ADAM17: variants seen among roughly 807,000 people sequenced by gnomAD.
The protein encoded by ADAM17 is ADAM metallopeptidase domain 17.
ADAM17 carries 39 observed loss-of-function variants against 96.7 expected under a neutral mutation model. The observed-to-expected ratio is 0.40, with a 90% CI of 0.31 to 0.53. The LOEUF (loss-of-function observed/expected upper bound fraction) is 0.53, where lower values mean the gene tolerates loss of function less well. Ranked by LOEUF, ADAM17 falls within the 20% of genes least tolerant of loss-of-function variation. The pLI is 0.44. For synonymous variants in ADAM17, 344 were observed against 359.2 expected (o/e 0.96, Z 0.48); for missense variants, 777 against 1,013.2 (o/e 0.77, Z 3.17).
At chr2:9,538,211 A>G (rs1283591275) in intron 2 of ADAM17, among the ~76,000 whole-genome samples, 4 of 152,214 alleles carry the variant, frequency 2.6e-5, no homozygotes, top group Non-Finnish European at 5.9e-5. Flanking sequence ...TGAACACCAA[A>G]GACAAAGAAA....
Position 9,535,938 on chromosome 2 carries a change from A to G in ADAM17, c.362-16T>C, listed in dbSNP as rs1346304643. 1 of 1,466,660 alleles carries G rather than the reference A, an allele frequency of 6.8e-7. No homozygotes were observed. Among genetic ancestry groups the G allele is most frequent in the Non-Finnish European group, 9.1e-7 (1 of 1,093,564 alleles). 90.9% of individuals were successfully genotyped at this position (1,466,660 alleles called of 1,614,324 possible). A position where few individuals can be genotyped will look rare whatever the true frequency, so the allele number is the denominator to read the frequency against. ...TCAGGCTCACCTTAAGAGAAAAAAA[A>G]AATTATTATTTAAAAATACTTACAT... is the stretch of plus-strand genomic sequence containing the variant. On this transcript the variant is annotated splice_polypyrimidine_tract_variant and intron_variant, in intron 3 of 18. Coordinates refer to ENST00000310823, the MANE Select transcript of ADAM17 (RefSeq NM_003183.6).
At chr2:9,532,233 T>G (rs1169557018) in intron 4 of ADAM17, among the ~76,000 whole-genome samples, 1 of 152,196 alleles carries the variant, frequency 6.6e-6, no homozygotes, top group African/African-American at 2.4e-5. Context: ...AAAGAATTAT[T>G]TTTTTTCATG....
chr2:9,517,829 T>C (rs1664132310), intron 10 of ADAM17, 72 bp downstream of exon 10: 2 of 1,002,504 alleles, frequency 2.0e-6, no homozygotes, highest in Non-Finnish European at 2.7e-6. Flanking sequence ...AAAAAATACC[T>C]ACATAAATAT....
chr2:9,546,085 G>A (rs1239114514), intron 1 of ADAM17, among the ~76,000 whole-genome samples: 1 of 142,412 alleles, frequency 7.0e-6, no homozygotes, highest in Non-Finnish European at 1.5e-5. Context: ...GTGACAGGAT[G>A]AGACCCAGTC....
At position 9,527,900 on chromosome 2, in the gene ADAM17, A is replaced by C. The variant is rs560843913; in HGVS notation, c.505T>G (p.Ser169Ala). The C allele has an allele frequency of 6.3e-7, 1 of 1,593,764 alleles. No individual in the cohort carries two copies. Among genetic ancestry groups the C allele is most frequent in the African/African-American group, 1.3e-5 (1 of 74,272 alleles). Residue 169 changes from serine (S) to alanine (A), a missense_variant, in exon 5 of 19, where the codon TCT becomes GCT. This residue lies in a region of ADAM17 where 446 missense variants were observed against 664.7 expected (regional missense o/e 0.67). Coordinates refer to ENST00000310823, the MANE Select transcript of ADAM17 (RefSeq NM_003183.6). The part of the protein sequence containing the change: ...TKDKRMLVYK[S>A]EDIKNVSRLQ... Reference sequence around the variant, plus strand: ...CGTGAAACATTCTTGATATCTTCAGATTTATAAACTAACATTCTTTTGTCT... The same window carrying C: ...CGTGAAACATTCTTGATATCTTCAGCTTTATAAACTAACATTCTTTTGTCT...
In ADAM17 at chr2:9,521,200, T is replaced by C. The variant is rs1459406551; in HGVS notation, c.957+3A>G. 1.3e-6 allele frequency: 2 copies of C among 1,583,338 alleles called. No individual in the cohort carries two copies. The highest frequency in any genetic ancestry group is 1.7e-6 in the Non-Finnish European group (2 of 1,152,480). On this transcript the variant is annotated splice_donor_region_variant and intron_variant, in intron 8 of 18. Transcript: ENST00000310823. ...GCACCATATCCAGGATTCTAAGACC[T>C]ACCTCTAGCAACATCTTCACATCCC...
At position 9,536,681 on chromosome 2, in the gene ADAM17, A is replaced by G. The variant is rs191183953; in HGVS notation, c.361+17T>C. 8.6e-5 allele frequency: 138 copies of G among 1,613,326 alleles called. No homozygotes were observed. The African/African-American group carries it at 1.1e-3, about 13-fold the overall frequency. On this transcript the variant is annotated intron_variant, in intron 3 of 18. Transcript: ENST00000310823. ...ATACACCAGACACAGGGGCAAACCA[A>G]CAAGCTCCATACTAACCAACCACGT...
chr2:9,546,416 G>C (rs1049403524), intron 1 of ADAM17, among the ~76,000 whole-genome samples: 2 of 152,106 alleles, frequency 1.3e-5, no homozygotes, highest in Non-Finnish European at 2.9e-5. Context: ...TCTTCCTTTG[G>C]AGCCAAACTG....
chr2:9,508,681 G>A (rs969046362), intron 11 of ADAM17, among the ~76,000 whole-genome samples: 2 of 152,050 alleles, frequency 1.3e-5, no homozygotes, highest in Non-Finnish European at 2.9e-5. Context: ...CATTTCAATT[G>A]CTCCACTGGG....
chr2:9,510,265 T>G, intron 10 of ADAM17, 134 bp from the exon 11 acceptor site: 1 of 994,722 alleles, frequency 1.0e-6, no homozygotes, highest in Non-Finnish European at 1.5e-6. Flanking sequence ...ATGCTTATAA[T>G]ACCAGCACTT....
intron 2 of ADAM17, among the ~76,000 whole-genome samples, chr2:9,542,048 A>G (rs1464804378): frequency 2.6e-5 from 4 of 152,234 alleles, no homozygotes; most frequent in African/African-American, 9.6e-5. Context: ...AAAAATAAAT[A>G]AATAAAGAAT....
At position 9,536,744 on chromosome 2, in the gene ADAM17, G is replaced by A. The variant is rs552799044; in HGVS notation, c.315C>T (p.Ser105=). 4.3e-6 allele frequency: 7 copies of A among 1,614,022 alleles called. No individual in the cohort carries two copies. Among genetic ancestry groups the A allele is most frequent in the Admixed American group, 1.7e-5 (1 of 60,010 alleles). The change falls in exon 3 of 19, where the codon AGC becomes AGT. Residue 105 remains serine (S), a synonymous_variant. Transcript: ENST00000310823. ...AGTCCTGCCATTTTACAGTGTACTC[G>A]CTTTCGTTTTTACCATCCACCACCA... ...KVVVVDGKNE[S]EYTVKWQDFF...
At chr2:9,519,051 G>A (rs1558512445) in intron 8 of ADAM17, among the ~76,000 whole-genome samples, 1 of 151,936 alleles carries the variant, frequency 6.6e-6, no homozygotes, top group Non-Finnish European at 1.5e-5. Flanking sequence ...TACCAAAGGC[G>A]TGCCTCACCA....
Position 9,488,994 on chromosome 2 carries a change from A to G in ADAM17, c.*1183T>C, listed in dbSNP as rs14425. On this transcript the variant is annotated 3_prime_UTR_variant, in exon 19 of 19. Transcript: ENST00000310823. ...TTCACACAGTAAATGCAGCCCATCC[A>G]GAATCCTGGAGCAATAAAGTAAGAA... 16 of 152,240 alleles carry G rather than the reference A, an allele frequency of 1.1e-4. No homozygotes were observed. The highest frequency in any genetic ancestry group is 3.6e-4 in the African/African-American group (15 of 41,454). 9.4% of individuals were successfully genotyped at this position (152,240 alleles called of 1,614,324 possible).
intron 2 of ADAM17, 67 bp from the exon 3 acceptor site, chr2:9,536,895 A>C (rs572752228): frequency 6.5e-7 from 1 of 1,535,704 alleles, no homozygotes; most frequent in African/African-American, 1.4e-5. Flanking sequence ...TCACATAATT[A>C]AACTTTCTTA....
intron 14 of ADAM17, among the ~76,000 whole-genome samples, chr2:9,495,763 C>A (rs1178021909): frequency 6.6e-6 from 1 of 151,176 alleles, no homozygotes; most frequent in African/African-American, 2.4e-5. Context: ...TAAAATATTT[C>A]TTGGACTTTT....
At chr2:9,532,260 C>T (rs1173977254) in intron 4 of ADAM17, among the ~76,000 whole-genome samples, 1 of 151,974 alleles carries the variant, frequency 6.6e-6, no homozygotes, top group East Asian at 1.9e-4. Flanking sequence ...TGGTAATGTG[C>T]TAACATTGTA....
rs1051166977 is a variant in ADAM17, at chr2:9,493,848, C to A, written c.1915-23G>T. ...GCCCTATGAAGAAAAAACATACATA[C>A]AGCATCATTCCCAAACACAATGTAT... On this transcript the variant is annotated intron_variant, in intron 15 of 18. Coordinates refer to ENST00000310823, the MANE Select transcript of ADAM17 (RefSeq NM_003183.6). 5 of 1,581,282 alleles carry A rather than the reference C, an allele frequency of 3.2e-6. No homozygotes were observed. In the Middle Eastern group the frequency reaches 6.6e-4, roughly 209 times the overall value.
At chr2:9,555,476 C>T (rs774112757) in intron 1 of ADAM17, 33 bp downstream of exon 1, 4 of 1,522,070 alleles carry the variant, frequency 2.6e-6, no homozygotes, top group African/African-American at 2.8e-5. Context: ...GCGCTCCAGG[C>T]GCCGGCCTAA....
Sources: allele counts gnomAD v4.1 joint callset (sites outside exome capture counted in the v4.1 genomes callset), GRCh38; gene constraint gnomAD v4.1.1; regional missense constraint gnomAD v4.1.1; transcripts MANE v1.5; gene names NCBI Gene and HGNC (gene_info 2026-07-23, HGNC 2026-07-21).